The following AKT2 variants were observed in gnomAD, a reference collection of about 807,000 sequenced individuals.
AKT2 encodes the protein RAC-beta serine/threonine-protein kinase.
Under a neutral mutation model 58.6 loss-of-function variants are expected in AKT2, and 16 were observed. The ratio of observed to expected loss-of-function variants is 0.27; its 90% CI spans 0.18 to 0.41. The LOEUF is 0.41. Among genes scored for constraint, AKT2 ranks in the 10% least tolerant of loss-of-function variants. The probability of loss-of-function intolerance (pLI) is 1.00; values close to 1 mark genes in which losing one functional copy is unlikely to be tolerated. For missense variants in AKT2, 438 were observed against 661.0 expected (o/e 0.66, Z 3.70); for synonymous variants, 253 against 254.0 (o/e 1.00, Z 0.04).
rs147626690 is a variant in AKT2 at position 40,275,260 on chromosome 19, G to A, written c.-84-9909C>T. The stretch of plus-strand genomic sequence containing the variant: ...ACACCCCGGCCAGCCCTTCCTTACC[G>A]CCCCTGATGTGCACGCATGCACGGG... On this transcript the variant is annotated intron_variant, in intron 1 of 13. Coordinates refer to ENST00000392038, the MANE Select transcript of AKT2 (RefSeq NM_001626.6). 776 of 456,702 alleles carry A rather than the reference G, an allele frequency of 1.7e-3. 2 individuals are homozygous for A. The highest frequency in any genetic ancestry group is 2.2e-3 in the Non-Finnish European group (497 of 226,952). 28.3% of individuals were successfully genotyped at this position (456,702 alleles called of 1,614,324 possible).
chr19:40,236,205 G>T, intron 10 of AKT2, 52 bp downstream of exon 10: 4 of 1,613,376 alleles, frequency 2.5e-6, no homozygotes, highest in Non-Finnish European at 2.5e-6. Context: ...AGGTCTGGGG[G>T]ATCCCCCTAC....
intron 3 of AKT2, 69 bp from the exon 4 acceptor site, chr19:40,255,338 C>T: frequency 7.7e-7 from 1 of 1,300,938 alleles, no homozygotes; most frequent in Non-Finnish European, 1.1e-6. Flanking sequence ...CCCAAAGTGC[C>T]CGAGCCACCT....
Position 40,235,070 on chromosome 19 carries a change from G to A in AKT2, c.1341C>T (p.Ser447=), listed in dbSNP as rs1223311324. The change falls in exon 13 of 14, where the codon TCC becomes TCT. Residue 447 remains serine, a synonymous_variant. Transcript: ENST00000392038. This position sits in a 1 kb window ranked among gnomAD's most constrained non-coding sequence, Gnocchi z 6.3. The part of the protein sequence containing the change: ...RYFDDEFTAQ[S]ITITPPDRYD... ...AGCGGTCAGGGGGTGTGATTGTGAT[G>A]GACTGGGCGGTAAATTCATCATCGA... is the stretch of plus-strand genomic sequence containing the variant. 6.2e-7 allele frequency: 1 copy of A among 1,614,182 alleles called. No homozygotes were observed. Among genetic ancestry groups the A allele is most frequent in the Middle Eastern group, 1.6e-4 (1 of 6,062 alleles).
At position 40,232,474 on chromosome 19, in the gene AKT2, C is replaced by T. The variant is rs1973751262; in HGVS notation, c.*1398G>A. 4.3e-6 allele frequency: 1 copy of T among 232,554 alleles called. No homozygotes were observed. Among genetic ancestry groups the T allele is most frequent in the Non-Finnish European group, 8.5e-6 (1 of 117,650 alleles). 14.4% of individuals were successfully genotyped at this position (232,554 alleles called of 1,614,324 possible). A position where few individuals can be genotyped will look rare whatever the true frequency, so the allele number is the denominator to read the frequency against. On this transcript the variant is annotated 3_prime_UTR_variant, in exon 14 of 14. Coordinates refer to ENST00000392038, the MANE Select transcript of AKT2 (RefSeq NM_001626.6). ...ACCCACCCGAACCAACCCCACCCCT[C>T]CCCACCCTGCCATGAACTGTGTAGT...
At chr19:40,275,764 T>TGGGGGGGGGGGGGGG (rs1004974778) in intron 1 of AKT2, among the ~76,000 whole-genome samples, 3 of 4,740 alleles carry the variant, frequency 6.3e-4, no homozygotes, top group Admixed American at 2.7e-3. Context: ...TTTGGGAGGC[T>TGGGGGGGGGGGGGGG]GGGGGGGGGG....
intron 1 of AKT2, chr19:40,275,252 T>A: frequency 2.2e-6 from 1 of 456,792 alleles, no homozygotes; most frequent in Non-Finnish European, 4.4e-6. Context: ...GGCCAGCCCT[T>A]CCTTACCGCC....
intron 1 of AKT2, among the ~76,000 whole-genome samples, chr19:40,278,105 T>C (rs931729871): frequency 6.6e-6 from 1 of 152,184 alleles, no homozygotes; most frequent in Non-Finnish European, 1.5e-5. Flanking sequence ...AGGCCTACTT[T>C]GTGCCAGCTC....
At chr19:40,260,401 G>T (rs1180737261) in intron 2 of AKT2, among the ~76,000 whole-genome samples, 1 of 151,988 alleles carries the variant, frequency 6.6e-6, no homozygotes. Flanking sequence ...GGAGGCCGAG[G>T]TGGGCGGATC....
rs928296651 is a variant in AKT2 at position 40,238,110 on chromosome 19, G to A, written c.709-19C>T. ...AGAACAGCTGCAGGAGGAAGGGGTG[G>A]GGAGAGGAGGTCAGGCCCCAGCCCA... On this transcript the variant is annotated intron_variant, in intron 8 of 13. Coordinates refer to ENST00000392038, the MANE Select transcript of AKT2 (RefSeq NM_001626.6). This position sits in a 1 kb window ranked among gnomAD's most constrained non-coding sequence, Gnocchi z 5.1. 2 of 1,582,534 alleles carry A rather than the reference G, an allele frequency of 1.3e-6. No individual in the cohort carries two copies. The highest frequency in any genetic ancestry group is 1.7e-6 in the Non-Finnish European group (2 of 1,164,886).
In AKT2 at chr19:40,235,509, G is replaced by A. The variant is rs764473862; in HGVS notation, c.1176-159C>T. On this transcript the variant is annotated intron_variant, in intron 11 of 13. Transcript: ENST00000392038. The surrounding 1 kb of genome is among the most constrained non-coding windows in gnomAD (Gnocchi z 6.3). ...ACCGAGGCTCAGGGAGGGAGCTCACGTGCCCAGGGTCAGAGCCAGGGAGTC... is the reference window on the plus strand; with the variant it reads ...ACCGAGGCTCAGGGAGGGAGCTCACATGCCCAGGGTCAGAGCCAGGGAGTC... 1.2e-5 allele frequency: 9 copies of A among 748,904 alleles called. No homozygotes were observed. Among genetic ancestry groups the A allele is most frequent in the East Asian group, 1.1e-4 (4 of 37,256 alleles). The allele number at this position is 748,904 out of a possible 1,614,324, so 46.4% of individuals were successfully genotyped here.
Position 40,242,325 on chromosome 19 carries a change from G to A in AKT2, c.441+209C>T, listed in dbSNP as rs1379333647. On this transcript the variant is annotated intron_variant, in intron 5 of 13. Transcript: ENST00000392038. The surrounding 1 kb of genome is among the most constrained non-coding windows in gnomAD (Gnocchi z 4.3). ...CTTCACCAACTCCCAGGACGAACCT[G>A]CAGTGGGTCCACCCAAGGTTGCTCC... 14 of 895,412 alleles carry A rather than the reference G, an allele frequency of 1.6e-5. No individual in the cohort carries two copies. Among genetic ancestry groups the A allele is most frequent in the Non-Finnish European group, 2.3e-5 (13 of 574,392 alleles). The allele number at this position is 895,412 out of a possible 1,614,324, so 55.5% of individuals were successfully genotyped here. A position where few individuals can be genotyped will look rare whatever the true frequency, so the allele number is the denominator to read the frequency against.
At chr19:40,240,224 C>G (rs1357032124) in intron 6 of AKT2, 114 bp from the exon 7 acceptor site, 1 of 1,101,058 alleles carries the variant, frequency 9.1e-7, no homozygotes, top group South Asian at 1.2e-5. Context: ...GCCATAAATG[C>G]AGAAAATCAC....
Position 40,230,615 on chromosome 19 carries a change from A to T in AKT2, c.*3257T>A, listed in dbSNP as rs964123954. The T allele has an allele frequency of 6.6e-5, 15 of 227,892 alleles. No homozygotes were observed. Among genetic ancestry groups the T allele is most frequent in the Admixed American group, 5.1e-4 (9 of 17,586 alleles). 14.1% of individuals were successfully genotyped at this position (227,892 alleles called of 1,614,324 possible). ...TATGATGCCGTGTCCATTTGCAGAGAGGTAATCAGCACCAAAATGAGTACT... is the reference window on the plus strand; with the variant it reads ...TATGATGCCGTGTCCATTTGCAGAGTGGTAATCAGCACCAAAATGAGTACT... On this transcript the variant is annotated 3_prime_UTR_variant, in exon 14 of 14. Coordinates refer to ENST00000392038, the MANE Select transcript of AKT2 (RefSeq NM_001626.6).
intron 3 of AKT2, among the ~76,000 whole-genome samples, chr19:40,255,963 G>A (rs532463300): frequency 3.3e-5 from 5 of 152,292 alleles, no homozygotes; most frequent in African/African-American, 1.2e-4. Flanking sequence ...GTGGAGCCCT[G>A]CAGACAGGCC....
At chr19:40,258,567 G>A (rs1047921024) in intron 2 of AKT2, among the ~76,000 whole-genome samples, 3 of 150,800 alleles carry the variant, frequency 2.0e-5, no homozygotes, top group African/African-American at 4.9e-5. Flanking sequence ...TCAGGAGGCC[G>A]AAATGGCAGA....
At chr19:40,253,520 C>A (rs1319633293) in intron 4 of AKT2, among the ~76,000 whole-genome samples, 4 of 152,126 alleles carry the variant, frequency 2.6e-5, no homozygotes, top group Non-Finnish European at 5.9e-5. Flanking sequence ...AACTCATCCA[C>A]AGAGAAAGAA....
Position 40,256,926 on chromosome 19 carries a change from C to G in AKT2, c.175G>C (p.Glu59Gln). Residue 59 changes from glutamate (E) to glutamine (Q), a missense_variant and splice_region_variant, in exon 3 of 14, where the codon GAA (glutamate) becomes CAA (glutamine). Physicochemically the swap from Glu to Gln is conservative, Grantham distance 29. Coordinates refer to ENST00000392038, the MANE Select transcript of AKT2 (RefSeq NM_001626.6). ...LPPLNNFSVA[E>Q]CQLMKTERPR... ...CTGACCCACTCATCCCAAGACACACCTGCTACGGAGAAGTTGTTTAAGGGG... is the reference window on the plus strand; with the variant it reads ...CTGACCCACTCATCCCAAGACACACGTGCTACGGAGAAGTTGTTTAAGGGG... The G allele has an allele frequency of 6.2e-7, 1 of 1,614,126 alleles. No homozygotes were observed. Among genetic ancestry groups the G allele is most frequent in the Non-Finnish European group, 8.5e-7 (1 of 1,179,960 alleles).
intron 3 of AKT2, among the ~76,000 whole-genome samples, chr19:40,255,936 G>C (rs1219705006): frequency 1.3e-5 from 2 of 152,194 alleles, no homozygotes; most frequent in Admixed American, 1.3e-4. Flanking sequence ...AGCTAGGGAG[G>C]ATGGGGCCAC....
intron 7 of AKT2, 151 bp downstream of exon 7, chr19:40,239,894 G>T: frequency 2.1e-6 from 2 of 939,186 alleles, no homozygotes; most frequent in East Asian, 2.4e-5. Context: ...ACATGTCTTG[G>T]TTCGGATGAC....
Sources: gnomAD v4.1 joint callset for allele counts (sites outside exome capture counted in the v4.1 genomes callset) on GRCh38, gnomAD v4.1.1 for gene constraint, Gnocchi (gnomAD v3.1) non-coding constraint, MANE v1.5 for transcripts, NCBI Gene and HGNC (gene_info 2026-07-23, HGNC 2026-07-21) for gene names.